Variants in ZC3H18 observed in about 807,000 individuals in gnomAD.
The protein encoded by ZC3H18 is zinc finger CCCH-type containing 18.
ZC3H18 carries 8 observed loss-of-function variants against 106.1 expected under a neutral mutation model. The observed-to-expected ratio is 0.08, with a 90% CI of 0.04 to 0.14. ZC3H18 has a LOEUF of 0.14. Ranked by LOEUF, ZC3H18 falls within the 10% of genes least tolerant of loss-of-function variation. The pLI is 1.00. For missense variants in ZC3H18, 1,318 were observed against 1,278.4 expected, an observed-to-expected ratio of 1.03 and a Z score of -0.47; for synonymous variants, 635 against 522.1, an observed-to-expected ratio of 1.22 and a Z score of -2.95.
In ZC3H18 at chr16:88,577,463, G is replaced by A; in HGVS notation, c.340G>A (p.Asp114Asn). 2 of 1,612,530 alleles carry A rather than the reference G, an allele frequency of 1.2e-6. No homozygotes were observed. The highest frequency in any genetic ancestry group is 8.5e-7 in the Non-Finnish European group (1 of 1,179,488). The change falls in exon 2 of 18, where the codon GAT becomes AAT. Residue 114 changes from aspartate (D) to asparagine (N), a missense_variant. Coordinates refer to ENST00000301011, the MANE Select transcript of ZC3H18 (RefSeq NM_144604.4). ...GGAAGACCGGACAAGCGACCTTAGGGATGAGGCCTCCTCAGTCACCAGGGA... is the reference window on the plus strand; with the variant it reads ...GGAAGACCGGACAAGCGACCTTAGGAATGAGGCCTCCTCAGTCACCAGGGA... ...GEEDRTSDLR[D>N]EASSVTRELD...
Position 88,628,819 on chromosome 16 carries a change from C to T in ZC3H18, c.2531C>T (p.Pro844Leu), listed in dbSNP as rs773688386. The change falls in exon 16 of 18, where the codon CCT becomes CTT. Residue 844 changes from proline to leucine, a missense_variant. Around this residue, in one of 6 missense-constraint regions of ZC3H18, gnomAD observed 848 missense variants for 821.7 expected, o/e 1.03. Transcript: ENST00000301011. ...TCAGACAAGGACAGGCAGAGCCCTC[C>T]TCCAGCCAAGCGGCCCAACACATCC... Reference protein sequence around the residue: ...EPSDKDRQSPPPAKRPNTSPD... With the variant: ...EPSDKDRQSPLPAKRPNTSPD... 30 of 1,613,990 alleles carry T rather than the reference C, an allele frequency of 1.9e-5. No individual in the cohort carries two copies. The highest frequency in any genetic ancestry group is 2.5e-5 in the Non-Finnish European group (30 of 1,180,002).
At chr16:88,590,262 T>C (rs1915665433) in intron 3 of ZC3H18, among the ~76,000 whole-genome samples, 1 of 152,196 alleles carries the variant, frequency 6.6e-6, no homozygotes, top group Non-Finnish European at 1.5e-5. Flanking sequence ...CTCTTAGCTT[T>C]ATCTCCGACA....
In ZC3H18 at chr16:88,599,930, G is replaced by C; in HGVS notation, c.1070G>C (p.Arg357Thr). 1 of 1,614,150 alleles carries C rather than the reference G, an allele frequency of 6.2e-7. No homozygotes were observed. The highest frequency in any genetic ancestry group is 8.5e-7 in the Non-Finnish European group (1 of 1,180,010). The change falls in exon 6 of 18, where the codon AGA (arginine) becomes ACA (threonine). Residue 357 changes from arginine to threonine, a missense_variant. Arg to Thr is a moderately conservative substitution (Grantham distance 71, BLOSUM62 -1). This residue lies in a region of ZC3H18 where 848 missense variants were observed against 821.7 expected (regional missense o/e 1.03). Transcript: ENST00000301011. ...CGAGATTGGAATTCTCGGATCCCGA[G>C]AGATGTCAGAGACACAGTGTAAGGA... ...VFRDWNSRIP[R>T]DVRDTVLEPY... is the part of the protein sequence containing the mutation.
chr16:88,631,783 C>A lies in ZC3H18; in HGVS notation c.*484C>A. ...ATCAGAAATATATCTATATTCTCGACTAAAGTCTCATCAGGAAATATTTCC... is the reference window on the plus strand; with the variant it reads ...ATCAGAAATATATCTATATTCTCGAATAAAGTCTCATCAGGAAATATTTCC... On this transcript the variant is annotated 3_prime_UTR_variant, in exon 18 of 18. Coordinates refer to ENST00000301011, the MANE Select transcript of ZC3H18 (RefSeq NM_144604.4). The A allele has an allele frequency of 3.1e-6, 1 of 318,540 alleles. No individual in the cohort carries two copies. Among genetic ancestry groups the A allele is most frequent in the Non-Finnish European group, 6.2e-6 (1 of 161,070 alleles). 19.7% of individuals were successfully genotyped at this position (318,540 alleles called of 1,614,324 possible).
rs1346205480 is a variant in ZC3H18 at position 88,624,057 on chromosome 16, A to G, written c.1893A>G (p.Lys631=). 6.2e-7 allele frequency: 1 copy of G among 1,613,772 alleles called. No homozygotes were observed. Among genetic ancestry groups the G allele is most frequent in the Non-Finnish European group, 8.5e-7 (1 of 1,179,902 alleles). The change falls in exon 11 of 18, where the codon AAA becomes AAG. Residue 631 remains lysine (K), a synonymous_variant. Coordinates refer to ENST00000301011, the MANE Select transcript of ZC3H18 (RefSeq NM_144604.4). ...GAGAGCCGGCCCCGCCGCCCGGGAA[A>G]GCAGGGTGAGTGCCCAGCCTGTGGG... is the stretch of plus-strand genomic sequence containing the variant. The part of the protein sequence containing the change: ...TKGEPAPPPG[K]AGEKSVKKPA...
intron 8 of ZC3H18, among the ~76,000 whole-genome samples, chr16:88,618,764 A>C (rs566686938): frequency 6.6e-6 from 1 of 152,328 alleles, no homozygotes; most frequent in South Asian, 2.1e-4. Flanking sequence ...CTACTTCCTC[A>C]GTCAGAGGTC....
chr16:88,612,357 CATGAGAGCACT>C, intron 8 of ZC3H18, among the ~76,000 whole-genome samples: 1 of 152,208 alleles, frequency 6.6e-6, no homozygotes, highest in East Asian at 1.9e-4. Flanking sequence ...TCGCAATCAA[CATGAGAGCACT>C]TTTGCCCCCT....
chr16:88,596,176 C>T (rs538666504), intron 3 of ZC3H18, among the ~76,000 whole-genome samples: 3 of 152,294 alleles, frequency 2.0e-5, no homozygotes, highest in East Asian at 1.9e-4. Context: ...TGCTCTTTGG[C>T]GCTCACTGGT....
chr16:88,605,356 G>A (rs1277445942), intron 6 of ZC3H18, among the ~76,000 whole-genome samples: 2 of 152,262 alleles, frequency 1.3e-5, no homozygotes, highest in Non-Finnish European at 2.9e-5. Context: ...TGCACTTTCA[G>A]TGGCCAGCGT....
In ZC3H18 at chr16:88,596,177, G is replaced by T. The variant is rs144104415; in HGVS notation, c.689-2001G>T. Reference sequence around the variant, plus strand: ...TCGCCTTCTCAGCTTGCTCTTTGGCGCTCACTGGTTTGTTCTCTTCTGCCT... The same window carrying T: ...TCGCCTTCTCAGCTTGCTCTTTGGCTCTCACTGGTTTGTTCTCTTCTGCCT... On this transcript the variant is annotated intron_variant, in intron 3 of 17. Transcript: ENST00000301011. 2.7e-3 allele frequency among the ~76,000 whole-genome samples: 406 copies of T among 152,254 alleles called. 1 individual carries two copies. The highest frequency in any genetic ancestry group is 4.3e-3 in the Non-Finnish European group (292 of 68,012).
At chr16:88,583,914 G>A (rs1029466469) in intron 2 of ZC3H18, among the ~76,000 whole-genome samples, 3 of 152,146 alleles carry the variant, frequency 2.0e-5, no homozygotes, top group Non-Finnish European at 2.9e-5. Flanking sequence ...GGCCATCGGC[G>A]TGAGGGAAAC....
intron 2 of ZC3H18, among the ~76,000 whole-genome samples, chr16:88,580,681 T>C (rs1016123591): frequency 6.6e-6 from 1 of 152,174 alleles, no homozygotes; most frequent in Non-Finnish European, 1.5e-5. Context: ...CCCTGCTCCC[T>C]GTCTCTAGCT....
At chr16:88,573,051 C>G (rs547670422) in intron 1 of ZC3H18, among the ~76,000 whole-genome samples, 8 of 152,032 alleles carry the variant, frequency 5.3e-5, no homozygotes, top group Non-Finnish European at 1.0e-4. Flanking sequence ...GCCACCACAC[C>G]CAGCCAATTG....
Position 88,586,565 on chromosome 16 carries a change from C to T in ZC3H18, c.604-35C>T, listed in dbSNP as rs377316047. 7 of 1,570,426 alleles carry T rather than the reference C, an allele frequency of 4.5e-6. No homozygotes were observed. In the African/African-American group the frequency reaches 9.4e-5, roughly 21 times the overall value. ...AGAAAGCAGTGCTGATTGATAGATG[C>T]CTCCCCCACGCTAAGACGGTGTTCT... On this transcript the variant is annotated intron_variant, in intron 2 of 17. Transcript: ENST00000301011.
intron 2 of ZC3H18, among the ~76,000 whole-genome samples, chr16:88,585,554 A>AG (rs960583106): frequency 1.1e-4 from 17 of 152,204 alleles, no homozygotes; most frequent in African/African-American, 3.9e-4. Context: ...GACCTGTCGT[A>AG]GGGGGAGCTC....
intron 2 of ZC3H18, among the ~76,000 whole-genome samples, chr16:88,583,232 C>T (rs568792207): frequency 6.6e-6 from 1 of 152,172 alleles, no homozygotes; most frequent in Non-Finnish European, 1.5e-5. Context: ...AGTGTTCTTT[C>T]TATTTAAGAA....
intron 6 of ZC3H18, among the ~76,000 whole-genome samples, chr16:88,604,191 A>G (rs1904895991): frequency 1.3e-5 from 2 of 152,086 alleles, no homozygotes; most frequent in Non-Finnish European, 2.9e-5. Context: ...ATCTCTACAA[A>G]ATATACAAAA....
intron 2 of ZC3H18, 133 bp downstream of exon 2, chr16:88,577,859 G>A: frequency 6.6e-7 from 1 of 1,505,276 alleles, no homozygotes; most frequent in Non-Finnish European, 8.9e-7. Context: ...GAGAATGAGA[G>A]GCTTGTTTTG....
At chr16:88,574,199 A>G (rs1400245200) in intron 1 of ZC3H18, among the ~76,000 whole-genome samples, 1 of 151,118 alleles carries the variant, frequency 6.6e-6, no homozygotes, top group Non-Finnish European at 1.5e-5. Flanking sequence ...AAAGTGATGA[A>G]TTTTAAATGA....
Sources: allele counts gnomAD v4.1 joint callset (sites outside exome capture counted in the v4.1 genomes callset), GRCh38; gene constraint gnomAD v4.1.1; regional missense constraint gnomAD v4.1.1; transcripts MANE v1.5; gene names NCBI Gene and HGNC (gene_info 2026-07-23, HGNC 2026-07-21).